The following PCSK9 variants were observed in gnomAD, a reference collection of about 807,000 sequenced individuals.
PCSK9 encodes the protein proprotein convertase subtilisin/kexin type 9.
In PCSK9, 57 loss-of-function variants were observed where a neutral mutation model predicts 62.1. The ratio of observed to expected loss-of-function variants is 0.92; its 90% CI spans 0.74 to 1.14. The LOEUF is 1.14. Ranked by LOEUF, PCSK9 falls within the 50% of genes most tolerant of loss-of-function variation. The pLI is 0.00. For missense variants in PCSK9, 870 were observed against 959.8 expected (o/e 0.91, Z 1.24); for synonymous variants, 387 against 409.4 (o/e 0.95, Z 0.66).
intron 2 of PCSK9, among the ~76,000 whole-genome samples, chr1:55,045,035 C>T (rs976829922): frequency 3.3e-5 from 5 of 152,194 alleles, no homozygotes; most frequent in African/African-American, 1.2e-4. Context: ...GCGAAGATGA[C>T]ACAGCTCAGG....
intron 1 of PCSK9, among the ~76,000 whole-genome samples, chr1:55,042,512 G>A (rs573005144): frequency 2.0e-5 from 3 of 152,242 alleles, no homozygotes; most frequent in East Asian, 1.9e-4. Flanking sequence ...GTTCAAAACC[G>A]TTTTGGCCCT....
Position 55,040,799 on chromosome 1 carries a change from C to A in PCSK9, c.207+755C>A, listed in dbSNP as rs1380294031. ...ACTGGGACCCCGGAGCTGAGCCCGG[C>A]GCCTCAGCCCACCTGGCTGTCTGCC... is the stretch of plus-strand genomic sequence containing the variant. On this transcript the variant is annotated intron_variant, in intron 1 of 11. Coordinates refer to ENST00000302118, the MANE Select transcript of PCSK9 (RefSeq NM_174936.4). The surrounding 1 kb of genome is among the most constrained non-coding windows in gnomAD (Gnocchi z 4.1). Among the ~76,000 whole-genome samples the A allele has an allele frequency of 6.6e-6, 1 of 152,214 alleles. No individual in the cohort carries two copies. Among genetic ancestry groups the A allele is most frequent in the Non-Finnish European group, 1.5e-5 (1 of 68,042 alleles).
rs1644594436 is a variant in PCSK9 at position 55,040,924 on chromosome 1, G to A, written c.207+880G>A. 6.6e-6 allele frequency among the ~76,000 whole-genome samples: 1 copy of A among 152,238 alleles called. No individual in the cohort carries two copies. Among genetic ancestry groups the A allele is most frequent in the South Asian group, 2.1e-4 (1 of 4,834 alleles). ...GGGCGAGACCACTAGCTTTTTCTAA[G>A]TATTACCAGCCCAGGACTTGGCTGA... On this transcript the variant is annotated intron_variant, in intron 1 of 11. Coordinates refer to ENST00000302118, the MANE Select transcript of PCSK9 (RefSeq NM_174936.4). The surrounding 1 kb of genome is among the most constrained non-coding windows in gnomAD (Gnocchi z 4.1).
Position 55,064,120 on chromosome 1 carries a change from CT to C in PCSK9, c.*537del, listed in dbSNP as rs72646535. 3,493 of 156,028 alleles carry C rather than the reference CT, an allele frequency of 0.022. 101 individuals are homozygous for C. The highest frequency in any genetic ancestry group is 0.062 in the African/African-American group (2,577 of 41,648). The allele number at this position is 156,028 out of a possible 1,614,324, so 9.7% of individuals were successfully genotyped here. ...CCCTGATTAATGGAGGCTTAGCTTT[CT>C]GGATGGCATCTAGCCAGAGGCTGGA... On this transcript the variant is annotated 3_prime_UTR_variant, in exon 12 of 12. Transcript: ENST00000302118.
In PCSK9 at chr1:55,052,958, C is replaced by A. The variant is rs1486652738; in HGVS notation, c.799+167C>A. Among the ~76,000 whole-genome samples the A allele has an allele frequency of 5.3e-5, 8 of 152,140 alleles. 1 individual carries two copies. Among genetic ancestry groups the A allele is most frequent in the Admixed American group, 3.3e-4 (5 of 15,272 alleles). ...CCAAGGCTGGCAGGGTTCCCAGTGG[C>A]CACGAGTGCAGATGAAGAAACCCAG... On this transcript the variant is annotated intron_variant, in intron 5 of 11. Transcript: ENST00000302118.
In PCSK9 at chr1:55,046,617, G is replaced by A. The variant is rs372165281; in HGVS notation, c.494G>A (p.Arg165Gln). 1.7e-5 allele frequency: 28 copies of A among 1,614,030 alleles called. No homozygotes were observed. The highest frequency in any genetic ancestry group is 1.6e-4 in the Middle Eastern group (1 of 6,062). Residue 165 changes from arginine to glutamine, a missense_variant, in exon 3 of 12, where the codon CGG becomes CAG. Transcript: ENST00000302118. ...AACCTGGAGCGGATTACCCCTCCAC[G>A]GTACCGGGCGGATGAATACCAGCCC... ...PWNLERITPP[R>Q]YRADEYQPPD...
At chr1:55,056,235 G>A (rs1644713806) in intron 6 of PCSK9, 46 bp downstream of exon 6, 1 of 963,796 alleles carries the variant, frequency 1.0e-6, no homozygotes, top group African/African-American at 2.2e-5. Flanking sequence ...GGGGGCGGAG[G>A]GCGGAGGGCG....
At chr1:55,056,922 G>A (rs1445149321) in intron 6 of PCSK9, among the ~76,000 whole-genome samples, 2 of 33,400 alleles carry the variant, frequency 6.0e-5, no homozygotes, top group African/African-American at 1.2e-4. Flanking sequence ...ACCTGACAGC[G>A]GTAACCTAGG....
chr1:55,045,484 A>T (rs1644626953), intron 2 of PCSK9, among the ~76,000 whole-genome samples: 1 of 152,164 alleles, frequency 6.6e-6, no homozygotes, highest in Non-Finnish European at 1.5e-5. Context: ...GCAGGTTAAG[A>T]AGCCTCTGGG....
rs1644741041 is a variant in PCSK9 at position 55,059,269 on chromosome 1, ACT to A, written c.1504-214_1504-213del. Among the ~76,000 whole-genome samples, 2 of 152,046 alleles carry A rather than the reference ACT, an allele frequency of 1.3e-5. 1 individual carries two copies. Among genetic ancestry groups the A allele is most frequent in the South Asian group, 4.2e-4 (2 of 4,808 alleles). On this transcript the variant is annotated intron_variant, in intron 9 of 11. Coordinates refer to ENST00000302118, the MANE Select transcript of PCSK9 (RefSeq NM_174936.4). The stretch of plus-strand genomic sequence containing the variant: ...TTCTCTCTATCTCCATTTTGAAACC[ACT>A]CTGTGTTTGGAAGAACTTTTGAGTA...
intron 8 of PCSK9, 45 bp from the exon 9 acceptor site, chr1:55,058,454 C>T: frequency 6.2e-7 from 1 of 1,612,088 alleles, no homozygotes; most frequent in South Asian, 1.1e-5. Flanking sequence ...TGTGGAGGTC[C>T]CCTCACTCCC....
chr1:55,056,677 A>G (rs902324768), intron 6 of PCSK9, among the ~76,000 whole-genome samples: 10 of 152,318 alleles, frequency 6.6e-5, no homozygotes, highest in Admixed American at 5.2e-4. Context: ...GAACATCCAC[A>G]GAGTGTGCCG....
chr1:55,055,575 T>C (rs1204616264), intron 5 of PCSK9, among the ~76,000 whole-genome samples: 1 of 152,148 alleles, frequency 6.6e-6, no homozygotes, highest in Non-Finnish European at 1.5e-5. Flanking sequence ...AGGATGTATA[T>C]ATTAAGAGTT....
Position 55,058,575 on chromosome 1 carries a change from C to A in PCSK9, c.1431C>A (p.Cys477Ter). Residue 477 changes from cysteine (C) to a stop codon, truncating the protein, a stop_gained, in exon 9 of 12, where the codon TGC becomes TGA. Coordinates refer to ENST00000302118, the MANE Select transcript of PCSK9 (RefSeq NM_174936.4). LOFTEE classifies it high-confidence loss of function. ...GGATGGCCACAGCCGTCGCCCGCTG[C>A]GCCCCAGATGAGGAGCTGCTGAGCT... is the stretch of plus-strand genomic sequence containing the variant. ...PTRMATAVAR[C>*]APDEELLSCS... The A allele has an allele frequency of 6.2e-7, 1 of 1,612,056 alleles. No homozygotes were observed. Among genetic ancestry groups the A allele is most frequent in the Non-Finnish European group, 8.5e-7 (1 of 1,180,024 alleles).
At chr1:55,061,762 C>G (rs1052507639) in intron 11 of PCSK9, among the ~76,000 whole-genome samples, 1 of 152,262 alleles carries the variant, frequency 6.6e-6, no homozygotes, top group Non-Finnish European at 1.5e-5. Context: ...TTGTCCAGAT[C>G]AGTAAGGTTT....
At chr1:55,056,278 T>A in intron 6 of PCSK9, 89 bp downstream of exon 6, 1 of 1,257,572 alleles carries the variant, frequency 8.0e-7, no homozygotes, top group Non-Finnish European at 1.0e-6. Flanking sequence ...GGGCTTCTTG[T>A]GGCACGTGGG....
intron 3 of PCSK9, among the ~76,000 whole-genome samples, chr1:55,047,916 C>A (rs1644645818): frequency 6.6e-6 from 1 of 152,154 alleles, no homozygotes; most frequent in African/African-American, 2.4e-5. Context: ...CACATCAGTG[C>A]CTCAGGGACC....
rs543990083 is a variant in PCSK9 at position 55,057,818 on chromosome 1, C to T, written c.1181-218C>T. On this transcript the variant is annotated intron_variant, in intron 7 of 11. Coordinates refer to ENST00000302118, the MANE Select transcript of PCSK9 (RefSeq NM_174936.4). ...ATGGATGAATAGGAGTTCACCTGGC[C>T]GATAAGACAGCAACTACCAAGGCTT... Among the ~76,000 whole-genome samples the T allele has an allele frequency of 1.2e-3, 180 of 152,212 alleles. 4 individuals carry two copies. The South Asian group carries it at 0.033, about 28-fold the overall frequency.
At chr1:55,053,800 T>A (rs1233975708) in intron 5 of PCSK9, among the ~76,000 whole-genome samples, 1 of 152,182 alleles carries the variant, frequency 6.6e-6, no homozygotes, top group Non-Finnish European at 1.5e-5. Flanking sequence ...TTGACTGACC[T>A]CGGCTCAGTC....
Sources: allele counts gnomAD v4.1 joint callset (sites outside exome capture counted in the v4.1 genomes callset), GRCh38; gene constraint gnomAD v4.1.1; non-coding constraint Gnocchi (gnomAD v3.1); transcripts MANE v1.5; gene names NCBI Gene and HGNC (gene_info 2026-07-23, HGNC 2026-07-21).